TOP6BL: variants seen among roughly 807,000 people sequenced by gnomAD.
The protein encoded by TOP6BL is type 2 DNA topoisomerase 6 subunit B-like.
chr11:66,745,727 C>T, the TOP6BL span, among the ~76,000 whole-genome samples: 1 of 152,228 alleles, frequency 6.6e-6, no homozygotes, highest in South Asian at 2.1e-4. Flanking sequence ...GAACCCAGGG[C>T]GCTGACTCAT....
the TOP6BL span, among the ~76,000 whole-genome samples, chr11:66,756,008 T>G: frequency 6.6e-6 from 1 of 152,220 alleles, no homozygotes; most frequent in Admixed American, 6.5e-5. Context: ...AAACTATCTT[T>G]TGGGGGACAT....
At chr11:66,827,474 C>G in the TOP6BL span, among the ~76,000 whole-genome samples, 1 of 152,108 alleles carries the variant, frequency 6.6e-6, no homozygotes, top group African/African-American at 2.4e-5. Flanking sequence ...AAAGCTGTTA[C>G]CTATTTCCTG....
the TOP6BL span, among the ~76,000 whole-genome samples, chr11:66,806,714 G>A: frequency 6.6e-6 from 1 of 152,098 alleles, no homozygotes; most frequent in Non-Finnish European, 1.5e-5. Context: ...GTTGCAGTGA[G>A]CACTGCATTC....
chr11:66,762,460 G>C, the TOP6BL span: 1 of 281,626 alleles, frequency 3.6e-6, no homozygotes, highest in Non-Finnish European at 6.6e-6. Flanking sequence ...GGTACCCAGA[G>C]TACCCTTTTT....
chr11:66,768,355 A>G, the TOP6BL span, among the ~76,000 whole-genome samples: 5 of 152,084 alleles, frequency 3.3e-5, no homozygotes, highest in African/African-American at 9.7e-5. Flanking sequence ...AATTTATCTA[A>G]CGCTTTTTCC....
At chr11:66,788,162 A>T in the TOP6BL span, 1 of 1,609,568 alleles carries the variant, frequency 6.2e-7, no homozygotes, top group Admixed American at 1.7e-5. Flanking sequence ...TCACACAGAA[A>T]TACAGTCCAT....
chr11:66,827,502 A>G, the TOP6BL span, among the ~76,000 whole-genome samples: 1 of 151,840 alleles, frequency 6.6e-6, no homozygotes, highest in Admixed American at 6.6e-5. Context: ...AAACTGTATT[A>G]TTTTGTTCCT....
the TOP6BL span, among the ~76,000 whole-genome samples, chr11:66,799,415 G>A: frequency 6.6e-6 from 1 of 150,658 alleles, no homozygotes; most frequent in South Asian, 2.1e-4. Flanking sequence ...TCTTTTTCCT[G>A]GCTGAGCACG....
the TOP6BL span, among the ~76,000 whole-genome samples, chr11:66,774,215 C>T: frequency 2.0e-5 from 3 of 151,984 alleles, no homozygotes; most frequent in South Asian, 4.1e-4. Flanking sequence ...CTACTTGTCC[C>T]AACTCAGTTT....
chr11:66,842,920 C>T, the TOP6BL span: 1 of 1,564,028 alleles, frequency 6.4e-7, no homozygotes, highest in Non-Finnish European at 8.7e-7. Context: ...GCGAGCTCTG[C>T]GCTCTGCCAG....
the TOP6BL span, among the ~76,000 whole-genome samples, chr11:66,780,773 G>A: frequency 5.3e-5 from 8 of 152,004 alleles, no homozygotes; most frequent in Admixed American, 3.9e-4. Context: ...GTAGAGACAG[G>A]GTTTTTCCAT....
chr11:66,789,429 T>G, the TOP6BL span, among the ~76,000 whole-genome samples: 1 of 152,190 alleles, frequency 6.6e-6, no homozygotes, highest in Non-Finnish European at 1.5e-5. Flanking sequence ...AGGAAGCCCT[T>G]GGGCAGCCTT....
At chr11:66,748,801 G>C in the TOP6BL span, among the ~76,000 whole-genome samples, 1 of 142,822 alleles carries the variant, frequency 7.0e-6, no homozygotes, top group Non-Finnish European at 1.5e-5. Flanking sequence ...AATCTACTTT[G>C]TCACAGCTAA....
the TOP6BL span, chr11:66,756,568 A>G: frequency 2.1e-5 from 21 of 1,001,164 alleles, no homozygotes; most frequent in East Asian, 1.1e-4. Context: ...TATATTTCCA[A>G]TGCTTTTATA....
the TOP6BL span, among the ~76,000 whole-genome samples, chr11:66,775,975 G>A: frequency 1.3e-5 from 2 of 151,524 alleles, no homozygotes; most frequent in South Asian, 4.2e-4. Context: ...TAATTTATCT[G>A]TGGATTCTTT....
At chr11:66,782,277 G>A in the TOP6BL span, among the ~76,000 whole-genome samples, 5 of 152,162 alleles carry the variant, frequency 3.3e-5, no homozygotes, top group Admixed American at 6.5e-5. Flanking sequence ...AGCTAGGCCT[G>A]AAGGCCAACA....
At chr11:66,769,448 T>TA in the TOP6BL span, among the ~76,000 whole-genome samples, 3,833 of 122,910 alleles carry the variant, frequency 0.031, 140 homozygotes, top group African/African-American at 0.096. Flanking sequence ...CAATTATACC[T>TA]AAAAAAAAAA....
chr11:66,776,260 T>C, the TOP6BL span, among the ~76,000 whole-genome samples: 49 of 152,176 alleles, frequency 3.2e-4, no homozygotes, highest in South Asian at 9.5e-3. Context: ...GATTCTACCA[T>C]GTTGGCCAGC....
the TOP6BL span, among the ~76,000 whole-genome samples, chr11:66,786,907 A>G: frequency 1.3e-5 from 2 of 151,762 alleles, no homozygotes; most frequent in African/African-American, 4.8e-5. Context: ...AATATTACCC[A>G]TTAAGATTGA....
Sources: allele counts gnomAD v4.1 joint callset (sites outside exome capture counted in the v4.1 genomes callset), GRCh38; gene constraint gnomAD v4.1.1; transcripts MANE v1.5; gene names NCBI Gene and HGNC (gene_info 2026-07-23, HGNC 2026-07-21).